SIL1: variants seen among roughly 807,000 people sequenced by gnomAD.
SIL1 encodes nucleotide exchange factor SIL1.
A neutral mutation model predicts 49.1 loss-of-function variants in SIL1; 40 were observed. That is an observed-to-expected ratio of 0.81 (90% confidence interval 0.63 to 1.06). The LOEUF (loss-of-function observed/expected upper bound fraction) is 1.06. Ranked by LOEUF, SIL1 falls within the 50% of genes least tolerant of loss-of-function variation. The pLI, the probability that SIL1 is intolerant of heterozygous loss-of-function variation, is 0.00. For missense variants in SIL1, 500 were observed against 572.6 expected, an observed-to-expected ratio of 0.87 and a Z score of 1.29; for synonymous variants, 253 against 250.8, an observed-to-expected ratio of 1.01 and a Z score of -0.08.
chr5:138,969,182 T>C (rs1767217027), intron 7 of SIL1, among the ~76,000 whole-genome samples: 2 of 152,236 alleles, frequency 1.3e-5, no homozygotes, highest in South Asian at 4.1e-4. Flanking sequence ...GGAGTTTCAC[T>C]TGATTCCTGA....
chr5:139,004,239 G>C (rs1474363295), intron 7 of SIL1, among the ~76,000 whole-genome samples: 1 of 152,126 alleles, frequency 6.6e-6, no homozygotes, highest in Non-Finnish European at 1.5e-5. Flanking sequence ...GGCCTCAAGT[G>C]ATCCTTCCAC....
At chr5:139,073,264 T>A (rs936217768) in intron 3 of SIL1, among the ~76,000 whole-genome samples, 2 of 152,236 alleles carry the variant, frequency 1.3e-5, no homozygotes, top group African/African-American at 4.8e-5. Context: ...CCATGTTTAC[T>A]ACGTTATTCA....
intron 3 of SIL1, among the ~76,000 whole-genome samples, chr5:139,051,727 G>T (rs952945692): frequency 2.2e-4 from 33 of 152,234 alleles, no homozygotes; most frequent in African/African-American, 7.2e-4. Flanking sequence ...GGAGCCAAGA[G>T]AAACTGAAAA....
In SIL1 at chr5:139,177,309, G is replaced by A. The variant is rs183150082; in HGVS notation, c.-11+20960C>T. ...GGCTGGAGTGCAGTGGCACCATCTCGGCTCACTGCAACCTCCGCCTCCTGC... is the reference window on the plus strand; with the variant it reads ...GGCTGGAGTGCAGTGGCACCATCTCAGCTCACTGCAACCTCCGCCTCCTGC... On this transcript the variant is annotated intron_variant, in intron 1 of 9. Transcript: ENST00000394817. Among the ~76,000 whole-genome samples, 10 of 151,672 alleles carry A rather than the reference G, an allele frequency of 6.6e-5. No homozygotes were observed. In the East Asian group the frequency reaches 1.4e-3, roughly 21 times the overall value.
intron 7 of SIL1, among the ~76,000 whole-genome samples, chr5:138,977,019 C>T (rs1439549856): frequency 6.6e-6 from 1 of 152,158 alleles, no homozygotes; most frequent in East Asian, 1.9e-4. Context: ...TCACACAGCA[C>T]CCTGTGTTGC....
chr5:139,115,977 T>C (rs999471745), intron 3 of SIL1, among the ~76,000 whole-genome samples: 2 of 152,138 alleles, frequency 1.3e-5, no homozygotes, highest in African/African-American at 2.4e-5. Context: ...CAGATTTGAA[T>C]TGAATTGTTG....
intron 1 of SIL1, among the ~76,000 whole-genome samples, chr5:139,152,622 GGAAAAAAAAAAAGAAAA>G (rs558657842): frequency 9.6e-4 from 142 of 147,858 alleles, no homozygotes; most frequent in African/African-American, 2.7e-3. Flanking sequence ...CAACATCTTG[GGAAAAAAAAAAAGAAAA>G]GAAAAAAAAA....
chr5:139,173,083 A>T (rs59994362), intron 1 of SIL1, among the ~76,000 whole-genome samples: 29,562 of 152,182 alleles, frequency 0.19, 6,429 homozygotes, highest in African/African-American at 0.54. Flanking sequence ...TGTAAGATGC[A>T]ATATCATGAC....
At chr5:139,044,612 T>C (rs1434089592) in intron 4 of SIL1, among the ~76,000 whole-genome samples, 1 of 152,234 alleles carries the variant, frequency 6.6e-6, no homozygotes, top group Non-Finnish European at 1.5e-5. Context: ...CCTAAGTCTA[T>C]GTTTTCTACT....
At chr5:139,159,995 C>T (rs1396519629) in intron 1 of SIL1, among the ~76,000 whole-genome samples, 2 of 152,112 alleles carry the variant, frequency 1.3e-5, no homozygotes, top group East Asian at 3.9e-4. Flanking sequence ...GAAGTGCAGG[C>T]CATTACCATC....
At chr5:139,122,346 A>C (rs2151793978) in intron 2 of SIL1, among the ~76,000 whole-genome samples, 1 of 152,244 alleles carries the variant, frequency 6.6e-6, no homozygotes, top group South Asian at 2.1e-4. Flanking sequence ...TAATCCCAGC[A>C]CTTTGAGAGG....
chr5:139,105,540 G>A (rs1485738085), intron 3 of SIL1, among the ~76,000 whole-genome samples: 1 of 152,202 alleles, frequency 6.6e-6, no homozygotes, highest in Non-Finnish European at 1.5e-5. Flanking sequence ...ATTCTGAAAG[G>A]TGTCCTGAGG....
intron 3 of SIL1, among the ~76,000 whole-genome samples, chr5:139,088,817 C>G (rs977472410): frequency 5.3e-5 from 8 of 152,212 alleles, no homozygotes; most frequent in African/African-American, 1.9e-4. Context: ...AATTCAGGAT[C>G]ATCTGAAGGA....
rs543587047 is a variant in SIL1, at chr5:139,000,683, T to C, written c.767+20488A>G. ...TCTCTATACCTCAAGGAAAGATTTC[T>C]TAAAACACACAGAGAATAAACTTCA... On this transcript the variant is annotated intron_variant, in intron 7 of 9. Coordinates refer to ENST00000394817, the MANE Select transcript of SIL1 (RefSeq NM_022464.5). 3.3e-5 allele frequency among the ~76,000 whole-genome samples: 5 copies of C among 152,260 alleles called. No individual in the cohort carries two copies. In the East Asian group the frequency reaches 7.7e-4, roughly 23 times the overall value.
At chr5:138,990,635 C>G (rs1404965614) in intron 7 of SIL1, among the ~76,000 whole-genome samples, 1 of 152,116 alleles carries the variant, frequency 6.6e-6, no homozygotes. Flanking sequence ...ACTATTTTGT[C>G]CAGGCTGGTC....
At chr5:139,137,117 C>T (rs937143290) in intron 1 of SIL1, among the ~76,000 whole-genome samples, 3 of 152,232 alleles carry the variant, frequency 2.0e-5, no homozygotes, top group Admixed American at 6.5e-5. Flanking sequence ...CCTAGTGCCA[C>T]CCCTTCCCCC....
rs539064880 is a variant in SIL1 at position 138,978,186 on chromosome 5, C to G, written c.768-26302G>C. Among the ~76,000 whole-genome samples the G allele has an allele frequency of 1.5e-4, 22 of 146,744 alleles. No individual in the cohort carries two copies. The East Asian group carries it at 4.8e-3, about 32-fold the overall frequency. On this transcript the variant is annotated intron_variant, in intron 7 of 9. Transcript: ENST00000394817. ...ATTTTAAGGCATTTTCATTGCCCCC[C>G]CATACCTATTACTAGTGCCCCCCGC... is the stretch of plus-strand genomic sequence containing the variant.
intron 1 of SIL1, among the ~76,000 whole-genome samples, chr5:139,149,567 G>A (rs558830475): frequency 1.4e-4 from 21 of 152,190 alleles, no homozygotes; most frequent in African/African-American, 4.6e-4. Flanking sequence ...TGGGAAAATC[G>A]GCAATTACAG....
At chr5:139,125,298 C>A (rs1750731245) in intron 2 of SIL1, among the ~76,000 whole-genome samples, 1 of 152,206 alleles carries the variant, frequency 6.6e-6, no homozygotes, top group Non-Finnish European at 1.5e-5. Context: ...TTCCAAATAC[C>A]AATTTCCTCT....
Sources: allele counts gnomAD v4.1 joint callset (sites outside exome capture counted in the v4.1 genomes callset), GRCh38; gene constraint gnomAD v4.1.1; transcripts MANE v1.5; gene names NCBI Gene and HGNC (gene_info 2026-07-23, HGNC 2026-07-21).